The following ASIC2 variants were observed in gnomAD, a reference collection of about 807,000 sequenced individuals.
The protein encoded by ASIC2 is acid-sensing ion channel 2.
ASIC2 carries 25 observed loss-of-function variants against 57.3 expected under a neutral mutation model. The ratio of observed to expected loss-of-function variants is 0.44; its 90% CI spans 0.32 to 0.61. The LOEUF is 0.61. Among genes scored for constraint, ASIC2 ranks in the 20% least tolerant of loss-of-function variants. The pLI, the probability that ASIC2 is intolerant of heterozygous loss-of-function variation, is 0.06. For missense variants in ASIC2, 641 were observed against 738.1 expected, an observed-to-expected ratio of 0.87 and a Z score of 1.52; for synonymous variants, 319 against 307.5, an observed-to-expected ratio of 1.04 and a Z score of -0.39.
At chr17:33,442,570 G>A (rs1911861918) in intron 1 of ASIC2, among the ~76,000 whole-genome samples, 1 of 151,996 alleles carries the variant, frequency 6.6e-6, no homozygotes, top group African/African-American at 2.4e-5. Flanking sequence ...ATTATTCATT[G>A]CTAGCATATA....
chr17:33,118,701 G>C (rs1412040697), intron 1 of ASIC2, among the ~76,000 whole-genome samples: 1 of 152,182 alleles, frequency 6.6e-6, no homozygotes, highest in Non-Finnish European at 1.5e-5. Context: ...GTTCAGAGGG[G>C]TGAAATGACT....
At chr17:33,182,932 C>T (rs1331937414) in intron 1 of ASIC2, among the ~76,000 whole-genome samples, 1 of 152,134 alleles carries the variant, frequency 6.6e-6, no homozygotes, top group Admixed American at 6.6e-5. Context: ...AATAATGTTC[C>T]ATATTGGATT....
At chr17:33,880,982 G>A (rs1422428712) in intron 1 of ASIC2, among the ~76,000 whole-genome samples, 1 of 152,078 alleles carries the variant, frequency 6.6e-6, no homozygotes, top group Non-Finnish European at 1.5e-5. Context: ...ACGTAATCCA[G>A]CATATAAACA....
At chr17:33,860,788 A>G in intron 1 of ASIC2, among the ~76,000 whole-genome samples, 1 of 152,236 alleles carries the variant, frequency 6.6e-6, no homozygotes, top group East Asian at 1.9e-4. Flanking sequence ...TCATGTATGC[A>G]GATACATACC....
chr17:33,934,116 A>G (rs1916006012), intron 1 of ASIC2, among the ~76,000 whole-genome samples: 1 of 152,140 alleles, frequency 6.6e-6, no homozygotes, highest in Non-Finnish European at 1.5e-5. Flanking sequence ...CCCTTCTGAG[A>G]CAGAAGGTCA....
rs1266252263 is a variant in ASIC2 at position 33,111,986 on chromosome 17, T to TC, written c.789dup (p.Thr264AspfsTer15). The TC allele has an allele frequency of 6.2e-7, 1 of 1,613,578 alleles. No individual in the cohort carries two copies. Among genetic ancestry groups the TC allele is most frequent in the Non-Finnish European group, 8.5e-7 (1 of 1,179,844 alleles). On this transcript the variant is annotated frameshift_variant, in exon 2 of 10. Coordinates refer to ENST00000225823, the MANE Select transcript of ASIC2 (RefSeq NM_183377.2). LOFTEE classifies it high-confidence loss of function. ...AGCATGATCTCCAGCCCGTTGCCTGTCCCCCCCTTGACCGTGGTGAGCAGA... is the reference window on the plus strand; with the variant it reads ...AGCATGATCTCCAGCCCGTTGCCTGTCCCCCCCCTTGACCGTGGTGAGCAGA...
chr17:33,985,769 G>C (rs887803127), intron 1 of ASIC2, among the ~76,000 whole-genome samples: 1 of 152,200 alleles, frequency 6.6e-6, no homozygotes, highest in Admixed American at 6.5e-5. Context: ...CCACTCCTCT[G>C]TCTAAAGCTG....
At chr17:33,607,668 GT>G (rs942807289) in intron 1 of ASIC2, among the ~76,000 whole-genome samples, 20 of 152,184 alleles carry the variant, frequency 1.3e-4, no homozygotes. Context: ...TCCCTGCCTT[GT>G]GACTCTCCAT....
chr17:33,299,703 C>A (rs1597672550), intron 1 of ASIC2, among the ~76,000 whole-genome samples: 1 of 152,126 alleles, frequency 6.6e-6, no homozygotes, highest in Non-Finnish European at 1.5e-5. Context: ...TATAAGAGGT[C>A]AAAGAAGGGG....
At chr17:33,626,542 A>C (rs1905989830) in intron 1 of ASIC2, among the ~76,000 whole-genome samples, 1 of 152,192 alleles carries the variant, frequency 6.6e-6, no homozygotes, top group Admixed American at 6.5e-5. Context: ...GTACCACCTG[A>C]AATCCTTCAA....
chr17:33,758,393 T>C (rs1363091168), intron 1 of ASIC2, among the ~76,000 whole-genome samples: 2 of 152,232 alleles, frequency 1.3e-5, no homozygotes, highest in African/African-American at 4.8e-5. Flanking sequence ...TGTTTGAACA[T>C]GTGTATAAAA....
chr17:33,250,542 C>T (rs1446577535), intron 1 of ASIC2, among the ~76,000 whole-genome samples: 1 of 152,260 alleles, frequency 6.6e-6, no homozygotes, highest in African/African-American at 2.4e-5. Flanking sequence ...CCGCGCTTAT[C>T]CCATGCGCCA....
chr17:34,004,818 C>A (rs1211632588), intron 1 of ASIC2: 1 of 151,418 alleles, frequency 6.6e-6, no homozygotes, highest in African/African-American at 2.4e-5. Flanking sequence ...CAGTGCATTT[C>A]TGCACACAAG....
intron 1 of ASIC2, among the ~76,000 whole-genome samples, chr17:33,281,815 G>A (rs1361026877): frequency 6.6e-6 from 1 of 152,166 alleles, no homozygotes; most frequent in Non-Finnish European, 1.5e-5. Flanking sequence ...AACCAAATGA[G>A]TCTCAGTAAG....
chr17:34,043,082 C>T (rs1908197408), intron 1 of ASIC2, among the ~76,000 whole-genome samples: 2 of 152,070 alleles, frequency 1.3e-5, no homozygotes, highest in African/African-American at 4.8e-5. Flanking sequence ...TGAAAATATA[C>T]ATGAAATAAA....
chr17:33,228,280 A>G (rs929100610), intron 1 of ASIC2, among the ~76,000 whole-genome samples: 2 of 152,242 alleles, frequency 1.3e-5, no homozygotes, highest in Non-Finnish European at 2.9e-5. Context: ...TGAATATACT[A>G]AGGGCTACTG....
intron 1 of ASIC2, among the ~76,000 whole-genome samples, chr17:33,455,183 T>C (rs1001772435): frequency 6.6e-5 from 10 of 152,332 alleles, no homozygotes; most frequent in Admixed American, 2.0e-4. Flanking sequence ...TTTATTATTA[T>C]TTTGTCATTT....
intron 1 of ASIC2, among the ~76,000 whole-genome samples, chr17:33,884,041 C>G (rs540030531): frequency 2.4e-4 from 36 of 152,196 alleles, no homozygotes; most frequent in Non-Finnish European, 1.5e-4. Context: ...CCTCAGGCAC[C>G]ATGGTGGATA....
At chr17:33,191,110 T>C (rs1906400395) in intron 1 of ASIC2, among the ~76,000 whole-genome samples, 1 of 152,158 alleles carries the variant, frequency 6.6e-6, no homozygotes, top group Non-Finnish European at 1.5e-5. Context: ...TTTTTTAAAA[T>C]GGTATACCTA....
Sources: gnomAD v4.1 joint callset for allele counts (sites outside exome capture counted in the v4.1 genomes callset) on GRCh38, gnomAD v4.1.1 for gene constraint, MANE v1.5 for transcripts, NCBI Gene and HGNC (gene_info 2026-07-23, HGNC 2026-07-21) for gene names.